The following TMEM182 variants were observed in gnomAD, a reference collection of about 807,000 sequenced individuals.
The protein encoded by TMEM182 is transmembrane protein 182.
A neutral mutation model predicts 26.8 loss-of-function variants in TMEM182; 20 were observed. That is an observed-to-expected ratio of 0.75 (90% CI 0.53 to 1.09). The LOEUF (loss-of-function observed/expected upper bound fraction) is 1.09. TMEM182 is among the 50% of genes least tolerant of loss of function. The pLI, the probability that TMEM182 is intolerant of heterozygous loss-of-function variation, is 0.00. For synonymous variants in TMEM182, 109 were observed against 102.2 expected (o/e 1.07, Z -0.40); for missense variants, 277 against 275.5 (o/e 1.01, Z -0.04).
chr2:102,835,620 C>G (rs964128084), intron 3 of TMEM182, among the ~76,000 whole-genome samples: 2 of 152,110 alleles, frequency 1.3e-5, no homozygotes, highest in Non-Finnish European at 2.9e-5. Flanking sequence ...TTCCACCCAA[C>G]CCCTGAAAAC....
chr2:102,773,201 CAA>C (rs376559499), intron 3 of TMEM182, among the ~76,000 whole-genome samples: 1 of 144,830 alleles, frequency 6.9e-6, no homozygotes, highest in African/African-American at 2.5e-5. Flanking sequence ...AACAGTAGTC[CAA>C]AAAAAAAAGG....
intron 4 of TMEM182, among the ~76,000 whole-genome samples, chr2:102,801,012 A>T (rs904800146): frequency 6.6e-6 from 1 of 151,920 alleles, no homozygotes; most frequent in Non-Finnish European, 1.5e-5. Flanking sequence ...TTTTGTTTTT[A>T]TTGTGATTTT....
chr2:102,782,222 C>T (rs1681199749), intron 3 of TMEM182, among the ~76,000 whole-genome samples: 1 of 151,964 alleles, frequency 6.6e-6, no homozygotes, highest in Admixed American at 6.6e-5. Context: ...AGGAGAATCA[C>T]TTGAGAGGCA....
In TMEM182 at chr2:102,786,030, G is replaced by A. The variant is rs1425633468; in HGVS notation, c.332-11833G>A. On this transcript the variant is annotated intron_variant, in intron 3 of 4. Coordinates refer to ENST00000412401, the MANE Select transcript of TMEM182 (RefSeq NM_144632.5). ...GTCTAAAAGATCACAGGTCTTTTCA[G>A]GTGTAGATTGATTTTTTTTTTTTTT... Among the ~76,000 whole-genome samples the A allele has an allele frequency of 2.1e-5, 3 of 143,482 alleles. No homozygotes were observed. The East Asian group carries it at 6.1e-4, about 29-fold the overall frequency. The allele number at this position is 143,482 out of a possible 152,430, so 94.1% of individuals were successfully genotyped here. A position where few individuals can be genotyped will look rare whatever the true frequency, so the allele number is the denominator to read the frequency against.
intron 4 of TMEM182, 139 bp downstream of exon 4, chr2:102,798,139 A>G: frequency 1.9e-6 from 2 of 1,069,236 alleles, no homozygotes; most frequent in Non-Finnish European, 2.6e-6. Context: ...TTGAACACTA[A>G]CTAATAATAT....
rs763587468 is a variant in TMEM182, at chr2:102,762,281, T to G, written c.64T>G (p.Leu22Val). ...TGGTGCTTTGGGGGTGTTACTCTTT[T>G]TGGTGGCTTTTGGATCGGATTATTG... is the stretch of plus-strand genomic sequence containing the variant. The part of the protein sequence containing the change: ...LFGALGVLLF[L>V]VAFGSDYWLL... Residue 22 changes from leucine (L) to valine (V), a missense_variant, in exon 1 of 5, where the codon TTG becomes GTG. Transcript: ENST00000412401. The G allele has an allele frequency of 5.6e-6, 9 of 1,614,044 alleles. No homozygotes were observed. Among genetic ancestry groups the G allele is most frequent in the Middle Eastern group, 1.7e-4 (1 of 6,060 alleles).
At chr2:102,822,312 A>T (rs1682937645), downstream of TMEM182, among the ~76,000 whole-genome samples, 1 of 152,108 alleles carries the variant, frequency 6.6e-6, no homozygotes, top group Admixed American at 6.5e-5. Context: ...CAAGTGGAAG[A>T]CTGAGCCTGC....
downstream of TMEM182, among the ~76,000 whole-genome samples, chr2:102,822,288 C>A (rs918358767): frequency 2.6e-5 from 4 of 151,988 alleles, no homozygotes; most frequent in Admixed American, 6.6e-5. Context: ...ACTGGAGAAC[C>A]AAACAGGGGA....
At chr2:102,840,929 G>A (rs780846501) in intron 3 of TMEM182, among the ~76,000 whole-genome samples, 2 of 152,162 alleles carry the variant, frequency 1.3e-5, no homozygotes, top group Admixed American at 1.3e-4. Context: ...AATATGCAAC[G>A]ACTCTGTTGT....
intron 3 of TMEM182, among the ~76,000 whole-genome samples, chr2:102,828,034 T>G (rs1238509917): frequency 6.6e-6 from 1 of 152,146 alleles, no homozygotes; most frequent in African/African-American, 2.4e-5. Context: ...AAGGTTGCAG[T>G]GAGCCGAGAT....
intron 3 of TMEM182, among the ~76,000 whole-genome samples, chr2:102,781,522 G>T (rs1681166336): frequency 6.6e-6 from 1 of 152,176 alleles, no homozygotes; most frequent in Non-Finnish European, 1.5e-5. Context: ...TAAACCATGT[G>T]AGAATGAGTG....
At position 102,839,707 on chromosome 2, in the gene TMEM182, G is replaced by A. The variant is rs556037682; in HGVS notation, c.326-3705G>A. ...ACTCAAATGCAATGTAGCTCTAGTT[G>A]CTAGCCACACTGTGAAACTAGTCCT... On this transcript the variant is annotated intron_variant, in intron 3 of 3. Transcript: ENST00000486293. Among the ~76,000 whole-genome samples, 7 of 152,170 alleles carry A rather than the reference G, an allele frequency of 4.6e-5. No individual in the cohort carries two copies. In the South Asian group the frequency reaches 1.5e-3, roughly 32 times the overall value.
chr2:102,783,965 A>C (rs938078508), intron 3 of TMEM182, among the ~76,000 whole-genome samples: 3 of 143,796 alleles, frequency 2.1e-5, no homozygotes, highest in Non-Finnish European at 4.8e-5. Context: ...CCAACGAGAC[A>C]CTCATCTTAC....
At chr2:102,760,602 G>GT (rs981715892), upstream of TMEM182, among the ~76,000 whole-genome samples, 27 of 151,080 alleles carry the variant, frequency 1.8e-4, no homozygotes, top group African/African-American at 4.1e-4. Flanking sequence ...TTCTATTCAT[G>GT]TTTTTTTTTG....
chr2:102,816,299 G>A lies in TMEM182; in HGVS notation c.*1331G>A. On this transcript the variant is annotated 3_prime_UTR_variant, in exon 5 of 5. Coordinates refer to ENST00000412401, the MANE Select transcript of TMEM182 (RefSeq NM_144632.5). ...AGCTGTTGTGAGGACAGAGAGGCAT[G>A]GCCCACAGGCAAAAAAAGTCACCAC... is the stretch of plus-strand genomic sequence containing the variant. 12 of 985,238 alleles carry A rather than the reference G, an allele frequency of 1.2e-5. No individual in the cohort carries two copies. The highest frequency in any genetic ancestry group is 1.4e-5 in the Non-Finnish European group (12 of 829,906). The allele number at this position is 985,238 out of a possible 1,614,324, so 61.0% of individuals were successfully genotyped here. A position where few individuals can be genotyped will look rare whatever the true frequency, so the allele number is the denominator to read the frequency against.
chr2:102,822,044 T>C (rs1216721303), downstream of TMEM182, among the ~76,000 whole-genome samples: 4 of 151,682 alleles, frequency 2.6e-5, no homozygotes, highest in Non-Finnish European at 4.4e-5. Flanking sequence ...TGGATGTCCC[T>C]ATTACCCTGA....
intron 3 of TMEM182, among the ~76,000 whole-genome samples, chr2:102,835,564 G>A (rs182200860): frequency 3.3e-5 from 5 of 152,136 alleles, no homozygotes; most frequent in East Asian, 3.9e-4. Context: ...TAGTACAAAC[G>A]GAATTGTTTC....
chr2:102,773,885 A>T (rs1376477049), intron 3 of TMEM182, among the ~76,000 whole-genome samples: 4 of 152,190 alleles, frequency 2.6e-5, no homozygotes, highest in African/African-American at 9.6e-5. Flanking sequence ...TCAAATGAAC[A>T]TCACCCGTAA....
intron 3 of TMEM182, among the ~76,000 whole-genome samples, chr2:102,836,600 C>T (rs1419103975): frequency 6.6e-6 from 1 of 152,212 alleles, no homozygotes; most frequent in Non-Finnish European, 1.5e-5. Context: ...AAAGAGGCTG[C>T]ATAACTTGCC....
Sources: gnomAD v4.1 joint callset for allele counts (sites outside exome capture counted in the v4.1 genomes callset) on GRCh38, gnomAD v4.1.1 for gene constraint, MANE v1.5 for transcripts, NCBI Gene and HGNC (gene_info 2026-07-23, HGNC 2026-07-21) for gene names.